Variants in WDR45B observed in about 807,000 individuals in gnomAD.
WDR45B encodes the protein WD repeat domain phosphoinositide-interacting protein 3.
Under a neutral mutation model 44.6 loss-of-function variants are expected in WDR45B, and 20 were observed. The ratio of observed to expected loss-of-function variants is 0.45; its 90% CI spans 0.32 to 0.65. WDR45B has a LOEUF of 0.65. Ranked by LOEUF, WDR45B falls within the 30% of genes least tolerant of loss-of-function variation. The pLI is 0.05. For missense variants in WDR45B, 323 were observed against 430.2 expected (o/e 0.75, Z 2.20); for synonymous variants, 169 against 164.9 (o/e 1.02, Z -0.19).
chr17:82,642,091 C>T (rs2045923788), intron 2 of WDR45B, among the ~76,000 whole-genome samples: 1 of 152,026 alleles, frequency 6.6e-6, no homozygotes, highest in South Asian at 2.1e-4. Context: ...ATAGCCTGTC[C>T]CCCCACACCT....
intron 2 of WDR45B, among the ~76,000 whole-genome samples, chr17:82,638,167 G>A (rs566671644): frequency 1.3e-4 from 17 of 129,364 alleles, no homozygotes; most frequent in African/African-American, 5.2e-4. Context: ...GCCTGGGAGA[G>A]ATTCTGTCAA....
At chr17:82,644,375 G>C (rs1043409835) in intron 1 of WDR45B, 2 of 360,952 alleles carry the variant, frequency 5.5e-6, no homozygotes, top group Non-Finnish European at 5.3e-6. Flanking sequence ...CCCGCCCACT[G>C]TGGACACCAG....
chr17:82,646,504 A>C (rs1437506835), intron 1 of WDR45B, among the ~76,000 whole-genome samples: 3 of 147,780 alleles, frequency 2.0e-5, no homozygotes, highest in Non-Finnish European at 1.5e-5. Flanking sequence ...AAAAAAAAAA[A>C]AAAAAAAACC....
chr17:82,617,946 T>C (rs2045561793), intron 7 of WDR45B, among the ~76,000 whole-genome samples: 1 of 151,666 alleles, frequency 6.6e-6, no homozygotes. Flanking sequence ...TTTTTTTTTT[T>C]GAGACAGAGT....
At position 82,645,293 on chromosome 17, in the gene WDR45B, G is replaced by A. The variant is rs541790407; in HGVS notation, c.68-1270C>T. Among the ~76,000 whole-genome samples the A allele has an allele frequency of 6.7e-4, 99 of 147,472 alleles. 1 individual carries two copies. The highest frequency in any genetic ancestry group is 1.2e-3 in the Admixed American group (17 of 14,730). On this transcript the variant is annotated intron_variant, in intron 1 of 9. Transcript: ENST00000392325. ...AACCTGGGCAACACAGCAAGACTCC[G>A]TCTCAAAAAAAAAAACAAAAATAAA...
intron 1 of WDR45B, among the ~76,000 whole-genome samples, chr17:82,645,809 C>T (rs1163494816): frequency 2.0e-5 from 3 of 152,102 alleles, no homozygotes; most frequent in African/African-American, 7.2e-5. Flanking sequence ...TGTATGTCTG[C>T]ACAAAAGAAC....
intron 2 of WDR45B, among the ~76,000 whole-genome samples, chr17:82,636,260 CAAAAAAAAAAA>C (rs71168123): frequency 2.5e-4 from 26 of 104,600 alleles, no homozygotes; most frequent in Admixed American, 1.1e-4. Flanking sequence ...GACTCCGTCT[CAAAAAAAAAAA>C]AAAAAAAAGA....
At chr17:82,643,290 G>A (rs62079711) in intron 2 of WDR45B, among the ~76,000 whole-genome samples, 17,263 of 152,136 alleles carry the variant, frequency 0.11, 1,058 homozygotes, top group Middle Eastern at 0.23. Context: ...AAAATTAGCC[G>A]GTTGTGGTGG....
intron 2 of WDR45B, among the ~76,000 whole-genome samples, chr17:82,632,532 GA>G (rs2045780896): frequency 6.6e-6 from 1 of 152,090 alleles, no homozygotes; most frequent in Non-Finnish European, 1.5e-5. Flanking sequence ...GGTCTTCCAT[GA>G]CAAAAGGATG....
At chr17:82,626,956 T>C in intron 4 of WDR45B, 1 of 548,190 alleles carries the variant, frequency 1.8e-6, no homozygotes, top group Non-Finnish European at 3.3e-6. Flanking sequence ...CACTGGCTGG[T>C]CCACTGTGGC....
chr17:82,634,149 T>TA (rs2045804056), intron 2 of WDR45B, among the ~76,000 whole-genome samples: 1 of 12,678 alleles, frequency 7.9e-5, no homozygotes. Flanking sequence ...AGACTCCATC[T>TA]CAAAAAAAAA....
intron 1 of WDR45B, 148 bp downstream of exon 1, chr17:82,648,126 G>A (rs1364663976): frequency 2.2e-6 from 2 of 904,400 alleles, no homozygotes; most frequent in East Asian, 3.2e-5. Flanking sequence ...GGCCGGGGCC[G>A]GGGGCTTCGG....
chr17:82,647,988 A>ACCTCGG (rs1214380814), intron 1 of WDR45B, among the ~76,000 whole-genome samples: 1 of 129,952 alleles, frequency 7.7e-6, no homozygotes, highest in African/African-American at 2.9e-5. Flanking sequence ...ACCGACCTCG[A>ACCTCGG]CCTCGGCCCG....
chr17:82,641,251 G>A (rs1296918063), intron 2 of WDR45B, among the ~76,000 whole-genome samples: 1 of 152,190 alleles, frequency 6.6e-6, no homozygotes, highest in African/African-American at 2.4e-5. Flanking sequence ...ACAGGCGTGA[G>A]CCACCGTGCG....
chr17:82,645,519 T>A (rs549854187), intron 1 of WDR45B, among the ~76,000 whole-genome samples: 109 of 151,786 alleles, frequency 7.2e-4, no homozygotes, highest in African/African-American at 2.5e-3. Flanking sequence ...AGAGAAAACA[T>A]CAAATGTGAG....
intron 6 of WDR45B, among the ~76,000 whole-genome samples, chr17:82,620,347 C>T (rs2045597440): frequency 6.6e-6 from 1 of 152,192 alleles, no homozygotes; most frequent in East Asian, 1.9e-4. Context: ...GCAGGAGAAT[C>T]GCTGGCACCC....
intron 3 of WDR45B, 27 bp downstream of exon 3, chr17:82,630,894 T>C: frequency 1.9e-6 from 3 of 1,600,812 alleles, no homozygotes; most frequent in Non-Finnish European, 2.6e-6. Context: ...ACGTGAGGCA[T>C]GATTCTTCAA....
At chr17:82,628,386 G>A (rs2045725654) in intron 3 of WDR45B, among the ~76,000 whole-genome samples, 1 of 152,118 alleles carries the variant, frequency 6.6e-6, no homozygotes, top group African/African-American at 2.4e-5. Context: ...TGTGTTCTAA[G>A]GGCTAATGTA....
chr17:82,633,728 AG>A (rs1467949436), intron 2 of WDR45B, among the ~76,000 whole-genome samples: 1 of 152,318 alleles, frequency 6.6e-6, no homozygotes, highest in East Asian at 1.9e-4. Flanking sequence ...AATTAAAAAG[AG>A]GCTGGGCACA....
Sources: gnomAD v4.1 joint callset for allele counts (sites outside exome capture counted in the v4.1 genomes callset) on GRCh38, gnomAD v4.1.1 for gene constraint, MANE v1.5 for transcripts, NCBI Gene and HGNC (gene_info 2026-07-23, HGNC 2026-07-21) for gene names.